The following RELL1 variants were observed in gnomAD, a reference collection of about 807,000 sequenced individuals.
The protein encoded by RELL1 is RELT-like protein 1.
RELL1 carries 10 observed loss-of-function variants against 23.0 expected under a neutral mutation model. The ratio of observed to expected loss-of-function variants is 0.43; its 90% CI spans 0.27 to 0.74. The LOEUF (loss-of-function observed/expected upper bound fraction) is 0.74. Ranked by LOEUF, RELL1 falls within the 30% of genes least tolerant of loss-of-function variation. RELL1 has a pLI of 0.19. For missense variants in RELL1, 315 were observed against 364.4 expected, an observed-to-expected ratio of 0.86 and a Z score of 1.10; for synonymous variants, 146 against 146.8, an observed-to-expected ratio of 0.99 and a Z score of 0.04.
chr4:37,658,633 C>A (rs951278828), intron 1 of RELL1, among the ~76,000 whole-genome samples: 1 of 152,134 alleles, frequency 6.6e-6, no homozygotes, highest in African/African-American at 2.4e-5. Flanking sequence ...CTCAAACACA[C>A]TTTATGTTAC....
chr4:37,628,187 G>A lies in RELL1; in HGVS notation c.*3+3198C>T, dbSNP rs553260778. 7.9e-5 allele frequency among the ~76,000 whole-genome samples: 12 copies of A among 152,266 alleles called. 3 individuals are homozygous for A. Among genetic ancestry groups the A allele is most frequent in the African/African-American group, 2.9e-4 (12 of 41,556 alleles). ...GGCCACCCAGCAGGTCTCAATCTGA[G>A]CAGGCTCTACTCATGGGACCTGCTC... On this transcript the variant is annotated intron_variant, in intron 6 of 6. Coordinates refer to ENST00000454158, the MANE Select transcript of RELL1 (RefSeq NM_001085400.2).
intron 5 of RELL1, among the ~76,000 whole-genome samples, chr4:37,632,084 GAAAAAAAAAAAAAAA>G (rs1183120605): frequency 2.2e-5 from 1 of 44,460 alleles, no homozygotes; most frequent in South Asian, 1.8e-3. Context: ...TCTCAATAAG[GAAAAAAAAAAAAAAA>G]AAAAAAAAAA....
chr4:37,631,749 G>A (rs768279229), intron 5 of RELL1, among the ~76,000 whole-genome samples: 4 of 152,020 alleles, frequency 2.6e-5, no homozygotes, highest in Non-Finnish European at 5.9e-5. Flanking sequence ...AGACTAAGCC[G>A]GATATTTTAC....
At chr4:37,588,277 A>G, downstream of RELL1, 1 of 152,604 alleles carries the variant, frequency 6.6e-6, no homozygotes, top group Non-Finnish European at 1.5e-5. Context: ...CGGTAGGAAA[A>G]GCAACACAGA....
intron 1 of RELL1, among the ~76,000 whole-genome samples, chr4:37,658,074 C>T (rs1429134157): frequency 6.6e-6 from 1 of 152,134 alleles, no homozygotes; most frequent in Non-Finnish European, 1.5e-5. Flanking sequence ...AGGGAGGAAG[C>T]AATGACATCT....
intron 1 of RELL1, chr4:37,665,373 C>T (rs1221653): frequency 4.5e-6 from 2 of 447,460 alleles, no homozygotes; most frequent in Non-Finnish European, 8.9e-6. Flanking sequence ...CAGAAGTTTC[C>T]AGTTTGCAAA....
intron 1 of RELL1, among the ~76,000 whole-genome samples, chr4:37,662,550 T>G (rs528102505): frequency 6.6e-6 from 1 of 150,480 alleles, no homozygotes; most frequent in South Asian, 2.1e-4. Flanking sequence ...GACTGAAACT[T>G]GAGTGATGTC....
chr4:37,672,422 T>C (rs1032354476), intron 1 of RELL1, among the ~76,000 whole-genome samples: 12 of 152,210 alleles, frequency 7.9e-5, no homozygotes, highest in Non-Finnish European at 1.6e-4. Flanking sequence ...CAAGATCAAA[T>C]ATATCATTTG....
downstream of RELL1, among the ~76,000 whole-genome samples, chr4:37,586,823 T>C (rs2109456501): frequency 6.6e-6 from 1 of 152,188 alleles, no homozygotes; most frequent in African/African-American, 2.4e-5. Flanking sequence ...GGCAGGAGAA[T>C]CACTTGAACC....
At chr4:37,668,263 CGA>C (rs1039093654) in intron 1 of RELL1, among the ~76,000 whole-genome samples, 1 of 149,778 alleles carries the variant, frequency 6.7e-6, no homozygotes, top group Admixed American at 6.6e-5. Flanking sequence ...CCTCTGATAC[CGA>C]GCCGAAGCTG....
At chr4:37,599,540 G>T (rs1436717567) in intron 6 of RELL1, among the ~76,000 whole-genome samples, 1 of 152,170 alleles carries the variant, frequency 6.6e-6, no homozygotes, top group East Asian at 1.9e-4. Context: ...AAAGCTTTAT[G>T]ATTCTAATGT....
chr4:37,664,716 ATTCTT>A (rs1721471798), intron 1 of RELL1, among the ~76,000 whole-genome samples: 1 of 152,160 alleles, frequency 6.6e-6, no homozygotes, highest in South Asian at 2.1e-4. Flanking sequence ...TTTCACATTC[ATTCTT>A]TTATTTGAAA....
At chr4:37,665,035 C>T (rs1199573903) in intron 1 of RELL1, among the ~76,000 whole-genome samples, 1 of 152,184 alleles carries the variant, frequency 6.6e-6, no homozygotes, top group Non-Finnish European at 1.5e-5. Context: ...TCCTGCAACA[C>T]AGTAGGAGTG....
downstream of RELL1, among the ~76,000 whole-genome samples, chr4:37,589,117 A>T (rs1718467466): frequency 6.6e-6 from 1 of 152,184 alleles, no homozygotes; most frequent in South Asian, 2.1e-4. Flanking sequence ...GCATGTTGGG[A>T]ACACCATCAT....
downstream of RELL1, chr4:37,590,443 G>A (rs1718542749): frequency 1.2e-6 from 2 of 1,611,300 alleles, no homozygotes; most frequent in Admixed American, 1.7e-5. Context: ...TGCAAATACT[G>A]TTCCCCCAAC....
chr4:37,596,730 A>ATATATATATATATATATG (rs1718864312), intron 6 of RELL1, among the ~76,000 whole-genome samples: 1 of 16,972 alleles, frequency 5.9e-5, no homozygotes, highest in African/African-American at 1.5e-4. Flanking sequence ...ATATATATAT[A>ATATATATATATATATATG]TATATATTTT....
At chr4:37,659,702 G>A (rs765096449) in intron 1 of RELL1, among the ~76,000 whole-genome samples, 40 of 152,086 alleles carry the variant, frequency 2.6e-4, no homozygotes, top group Non-Finnish European at 3.2e-4. Flanking sequence ...ATGGTTCTCA[G>A]AATTCCACTA....
chr4:37,677,414 C>G (rs1167318378), intron 1 of RELL1, among the ~76,000 whole-genome samples: 1 of 152,224 alleles, frequency 6.6e-6, no homozygotes, highest in Non-Finnish European at 1.5e-5. Context: ...GACTCTGCTT[C>G]CTCCTCCTAA....
chr4:37,589,491 G>T (rs1191319133), downstream of RELL1, among the ~76,000 whole-genome samples: 11 of 152,012 alleles, frequency 7.2e-5, no homozygotes, highest in African/African-American at 2.7e-4. Context: ...CCACTGAGAG[G>T]ATATACTCCT....
Sources: gnomAD v4.1 joint callset for allele counts (sites outside exome capture counted in the v4.1 genomes callset) on GRCh38, gnomAD v4.1.1 for gene constraint, MANE v1.5 for transcripts, NCBI Gene and HGNC (gene_info 2026-07-23, HGNC 2026-07-21) for gene names.